Variants in ZNF443 observed in about 807,000 individuals in gnomAD.
The protein encoded by ZNF443 is zinc finger protein 443, also known as Kruppel-type zinc finger (C2H2).
In ZNF443, 3 loss-of-function variants were observed where a neutral mutation model predicts 12.0. The ratio of observed to expected loss-of-function variants is 0.25; its 90% CI spans 0.11 to 0.64. The LOEUF (loss-of-function observed/expected upper bound fraction) is 0.64. Among genes scored for constraint, ZNF443 ranks in the 30% least tolerant of loss-of-function variants. The pLI, the probability that ZNF443 is intolerant of heterozygous loss-of-function variation, is 0.84. For missense variants in ZNF443, 770 were observed against 808.8 expected (o/e 0.95, Z 0.58); for synonymous variants, 225 against 265.9 (o/e 0.85, Z 1.50).
At chr19:12,440,694 C>G (rs1432024156) in intron 1 of ZNF443, among the ~76,000 whole-genome samples, 1 of 152,200 alleles carries the variant, frequency 6.6e-6, no homozygotes, top group Non-Finnish European at 1.5e-5. Flanking sequence ...GAGAGGGCGC[C>G]GGGGCCGCAG....
chr19:12,429,820 C>T lies in ZNF443; in HGVS notation c.*336G>A. ...AGACTCTTTTCCTTATCATGATTCC[C>T]TAAACAATACAATAGAACAACTATT... On this transcript the variant is annotated 3_prime_UTR_variant, in exon 4 of 4. Transcript: ENST00000301547. The T allele has an allele frequency of 5.2e-6, 2 of 385,354 alleles. No homozygotes were observed. Among genetic ancestry groups the T allele is most frequent in the Non-Finnish European group, 9.3e-6 (2 of 214,464 alleles). 23.9% of individuals were successfully genotyped at this position (385,354 alleles called of 1,614,324 possible). A position where few individuals can be genotyped will look rare whatever the true frequency, so the allele number is the denominator to read the frequency against.
chr19:12,436,217 A>G (rs1054935769), intron 1 of ZNF443, among the ~76,000 whole-genome samples: 3 of 135,052 alleles, frequency 2.2e-5, no homozygotes, highest in African/African-American at 8.9e-5. Context: ...GTGGTGGCTC[A>G]CACCTATAAT....
chr19:12,439,460 TA>T (rs1216551165), intron 1 of ZNF443, among the ~76,000 whole-genome samples: 3 of 152,092 alleles, frequency 2.0e-5, no homozygotes, highest in African/African-American at 7.2e-5. Context: ...TGATATTCAC[TA>T]GACCCTCCAA....
At chr19:12,438,096 CAAAA>C (rs59499489) in intron 1 of ZNF443, among the ~76,000 whole-genome samples, 5 of 127,102 alleles carry the variant, frequency 3.9e-5, no homozygotes, top group Non-Finnish European at 5.1e-5. Flanking sequence ...GATGCTGTCT[CAAAA>C]AAAAAAAAAA....
chr19:12,434,010 T>C (rs185027639), intron 1 of ZNF443, among the ~76,000 whole-genome samples: 1 of 152,310 alleles, frequency 6.6e-6, no homozygotes, highest in African/African-American at 2.4e-5. Context: ...TCCCTCACCA[T>C]GTGATACTCT....
chr19:12,439,673 A>T (rs1019688775), intron 1 of ZNF443, among the ~76,000 whole-genome samples: 3 of 152,100 alleles, frequency 2.0e-5, no homozygotes, highest in Non-Finnish European at 4.4e-5. Flanking sequence ...TATCATTTAC[A>T]CTAGAGACAA....
chr19:12,438,239 G>A (rs982482581), intron 1 of ZNF443, among the ~76,000 whole-genome samples: 4 of 152,190 alleles, frequency 2.6e-5, no homozygotes, highest in African/African-American at 9.7e-5. Context: ...GATGAATCCA[G>A]GAAAATCACT....
chr19:12,430,679 T>C lies in ZNF443; in HGVS notation c.1493A>G (p.His498Arg), dbSNP rs150394327. Residue 498 changes from histidine (H) to arginine (R), a missense_variant, in exon 4 of 4, where the codon CAC becomes CGC. By Grantham distance (29) the His-to-Arg change is conservative (BLOSUM62 0). This residue lies in a region of ZNF443 where 736 missense variants were observed against 689.4 expected (regional missense o/e 1.07). Transcript: ENST00000301547. ...FCSFQNHKTT[H>R]TGEKPYECKE... ...ACACTCATATGGCTTCTCTCCAGTG[T>C]GAGTTGTTTTGTGATTTTGAAAGGA... 3.1e-5 allele frequency: 50 copies of C among 1,613,588 alleles called. 1 individual carries two copies. The African/African-American group carries it at 3.7e-4, about 12-fold the overall frequency.
In ZNF443 at chr19:12,430,714, A is replaced by C. The variant is rs1568236865; in HGVS notation, c.1458T>G (p.Ile486Met). The change falls in exon 4 of 4, where the codon ATT (isoleucine) becomes ATG (methionine). Residue 486 changes from isoleucine to methionine, a missense_variant. Around this residue, in one of 3 missense-constraint regions of ZNF443, gnomAD observed 736 missense variants for 689.4 expected, o/e 1.07. Transcript: ENST00000301547. ...TGTGATTTTGAAAGGAACAGAAATC[A>C]ATACAGGCTTTCCCAAGTTTGCATT... ...PYKCKLGKACIDFCSFQNHKT... is the reference protein window; with the variant it reads ...PYKCKLGKACMDFCSFQNHKT... 1 of 1,613,380 alleles carries C rather than the reference A, an allele frequency of 6.2e-7. No homozygotes were observed. The highest frequency in any genetic ancestry group is 8.5e-7 in the Non-Finnish European group (1 of 1,179,450).
intron 1 of ZNF443, among the ~76,000 whole-genome samples, chr19:12,437,394 C>A: frequency 1.4e-5 from 2 of 141,038 alleles, no homozygotes; most frequent in Middle Eastern, 3.5e-3. Flanking sequence ...GGTGATAGAG[C>A]AAGAACCTGT....
At chr19:12,437,255 A>G (rs1226702287) in intron 1 of ZNF443, among the ~76,000 whole-genome samples, 1 of 152,040 alleles carries the variant, frequency 6.6e-6, no homozygotes, top group African/African-American at 2.4e-5. Context: ...AAATAAAAAA[A>G]AAATTAGCCA....
At position 12,430,830 on chromosome 19, in the gene ZNF443, G is replaced by A. The variant is rs770972145; in HGVS notation, c.1342C>T (p.Pro448Ser). ...TTGCCACATTGTTTACATTTATAGG[G>A]TTTCTCTGCAGTGTGAGTCCTTTCA... ...RHERTHTAEK[P>S]YKCKQCGKAY... The change falls in exon 4 of 4, where the codon CCC becomes TCC. Residue 448 changes from proline (P) to serine (S), a missense_variant. By Grantham distance (74) the Pro-to-Ser change is moderately conservative (BLOSUM62 -1). This residue lies in a region of ZNF443 where 736 missense variants were observed against 689.4 expected (regional missense o/e 1.07). Transcript: ENST00000301547. 3.7e-6 allele frequency: 6 copies of A among 1,614,114 alleles called. No homozygotes were observed. The highest frequency in any genetic ancestry group is 2.2e-5 in the East Asian group (1 of 44,880).
chr19:12,435,160 G>C (rs1970296309), intron 1 of ZNF443, among the ~76,000 whole-genome samples: 1 of 152,084 alleles, frequency 6.6e-6, no homozygotes, highest in South Asian at 2.1e-4. Context: ...ATTTTTACTA[G>C]AGACGGGGTT....
At chr19:12,438,499 G>A (rs771917186) in intron 1 of ZNF443, among the ~76,000 whole-genome samples, 2 of 152,138 alleles carry the variant, frequency 1.3e-5, no homozygotes, top group Non-Finnish European at 1.5e-5. Flanking sequence ...TTTCTCCATT[G>A]TCCCAAAATC....
rs776612398 is a variant in ZNF443 at position 12,440,988 on chromosome 19, C to A, written c.-74G>T. 3.0e-5 allele frequency: 49 copies of A among 1,612,296 alleles called. No homozygotes were observed. The highest frequency in any genetic ancestry group is 2.5e-4 in the Admixed American group (15 of 59,916). On this transcript the variant is annotated 5_prime_UTR_variant, in exon 1 of 4. Coordinates refer to ENST00000301547, the MANE Select transcript of ZNF443 (RefSeq NM_005815.5). ...AATGCGTGTTCCAGCCAGACAAAGG[C>A]TGCCTCAGAACTTCCAGGTCGTCTC...
chr19:12,433,548 A>G (rs891319814), intron 1 of ZNF443, among the ~76,000 whole-genome samples: 4 of 152,212 alleles, frequency 2.6e-5, no homozygotes, highest in African/African-American at 9.6e-5. Flanking sequence ...AGTTACCATT[A>G]GCAGTGCTGA....
rs748002479 is a variant in ZNF443, at chr19:12,430,361, T to C, written c.1811A>G (p.Gln604Arg). Residue 604 changes from glutamine to arginine, a missense_variant, in exon 4 of 4, where the codon CAA (glutamine) becomes CGA (arginine). Gln to Arg is a conservative substitution (Grantham distance 43). Coordinates refer to ENST00000301547, the MANE Select transcript of ZNF443 (RefSeq NM_005815.5). ...GKAFTHSRFL[Q>R]GHEKTHTGEN... ...TCCAGTATGAGTTTTTTCATGTCCTTGAAGAAAACGGGAATGAGTGAAGGC... is the reference window on the plus strand; with the variant it reads ...TCCAGTATGAGTTTTTTCATGTCCTCGAAGAAAACGGGAATGAGTGAAGGC... 5.6e-6 allele frequency: 9 copies of C among 1,613,652 alleles called. No individual in the cohort carries two copies. Among genetic ancestry groups the C allele is most frequent in the Middle Eastern group, 1.6e-4 (1 of 6,082 alleles).
At position 12,431,532 on chromosome 19, in the gene ZNF443, T is replaced by C. The variant is rs368859707; in HGVS notation, c.640A>G (p.Met214Val). 3 of 1,614,066 alleles carry C rather than the reference T, an allele frequency of 1.9e-6. No homozygotes were observed. Among genetic ancestry groups the C allele is most frequent in the African/African-American group, 1.3e-5 (1 of 74,934 alleles). Reference protein sequence around the residue: ...KAFFWPSLLHMHERTHTGEKP... With the variant: ...KAFFWPSLLHVHERTHTGEKP... The stretch of plus-strand genomic sequence containing the variant: ...TCTCCAGTGTGCGTTCTTTCATGCA[T>C]ATGTAATAAACTGGGCCAAAAAAAC... Residue 214 changes from methionine to valine, a missense_variant, in exon 4 of 4, where the codon ATG becomes GTG. By Grantham distance (21) the Met-to-Val change is conservative. Transcript: ENST00000301547.
chr19:12,437,808 T>G (rs1487727365), intron 1 of ZNF443, among the ~76,000 whole-genome samples: 2 of 135,952 alleles, frequency 1.5e-5, no homozygotes, highest in South Asian at 2.7e-4. Flanking sequence ...AAAAGCCATA[T>G]GGGGATGGGC....
Sources: gnomAD v4.1 joint callset for allele counts (sites outside exome capture counted in the v4.1 genomes callset) on GRCh38, gnomAD v4.1.1 for gene constraint, gnomAD v4.1.1 regional missense constraint, MANE v1.5 for transcripts, NCBI Gene and HGNC (gene_info 2026-07-23, HGNC 2026-07-21) for gene names.